The following OPCML variants were observed in gnomAD, a reference collection of about 807,000 sequenced individuals.
OPCML encodes the protein opioid-binding protein/cell adhesion molecule.
A neutral mutation model predicts 37.8 loss-of-function variants in OPCML; 13 were observed. The ratio of observed to expected loss-of-function variants is 0.34; its 90% confidence interval spans 0.22 to 0.55. The LOEUF is 0.55. Ranked by LOEUF, OPCML falls within the 20% of genes least tolerant of loss-of-function variation. OPCML has a pLI of 0.91. For missense variants in OPCML, 341 were observed against 435.6 expected (o/e 0.78, Z 1.93); for synonymous variants, 176 against 168.8 (o/e 1.04, Z -0.33).
At chr11:133,064,565 C>T (rs59367759) in intron 1 of OPCML, 17,479 of 152,352 alleles carry the variant, frequency 0.11, 1,331 homozygotes, top group African/African-American at 0.21. Flanking sequence ...CCTTTCCCCA[C>T]GGTAGACTGC....
intron 1 of OPCML, among the ~76,000 whole-genome samples, chr11:133,375,090 CCTT>C (rs1944769638): frequency 6.6e-6 from 1 of 152,186 alleles, no homozygotes; most frequent in Non-Finnish European, 1.5e-5. Context: ...CGTGCTCTCT[CCTT>C]CTCCATCTTT....
chr11:132,858,917 G>A (rs76115816), intron 2 of OPCML, among the ~76,000 whole-genome samples: 3,407 of 152,084 alleles, frequency 0.022, 52 homozygotes, highest in Middle Eastern at 0.058. Context: ...TTGTTTATAC[G>A]TGTGTGTGTG....
intron 3 of OPCML, among the ~76,000 whole-genome samples, chr11:132,604,492 AATC>A (rs1591613110): frequency 6.6e-6 from 1 of 152,034 alleles, no homozygotes; most frequent in East Asian, 1.9e-4. Context: ...AAGTTTCCAA[AATC>A]ATCAGCTCCC....
intron 1 of OPCML, among the ~76,000 whole-genome samples, chr11:133,154,979 C>T (rs779180609): frequency 1.2e-4 from 18 of 152,084 alleles, no homozygotes; most frequent in Non-Finnish European, 4.4e-5. Context: ...TAGAGTGCAA[C>T]CTGTTTATCC....
At chr11:132,827,807 A>AGTT (rs1940446867) in intron 2 of OPCML, among the ~76,000 whole-genome samples, 1 of 149,026 alleles carries the variant, frequency 6.7e-6, no homozygotes, top group African/African-American at 2.5e-5. Context: ...GCCTGGCTGA[A>AGTT]TTTTTTTTTT....
chr11:132,635,082 T>A (rs1042552776), intron 3 of OPCML, among the ~76,000 whole-genome samples: 1 of 152,202 alleles, frequency 6.6e-6, no homozygotes, highest in African/African-American at 2.4e-5. Flanking sequence ...ACGGTAACAC[T>A]GCCCATGATT....
At position 133,470,580 on chromosome 11, in the gene OPCML, C is replaced by A. The variant is rs542597966; in HGVS notation, c.61+61684G>T. ...CTTTCTTTCCCTGGTCCCTGCCACCCTGACCAGTGGTAGGATTTCTGGAAA... is the reference window on the plus strand; with the variant it reads ...CTTTCTTTCCCTGGTCCCTGCCACCATGACCAGTGGTAGGATTTCTGGAAA... On this transcript the variant is annotated intron_variant, in intron 1 of 7. Coordinates refer to ENST00000524381, the MANE Select transcript of OPCML (RefSeq NM_001012393.5). 2.0e-5 allele frequency among the ~76,000 whole-genome samples: 3 copies of A among 152,284 alleles called. No homozygotes were observed. The East Asian group carries it at 5.8e-4, about 30-fold the overall frequency.
intron 1 of OPCML, among the ~76,000 whole-genome samples, chr11:133,328,453 C>T (rs1263819172): frequency 1.3e-5 from 2 of 152,132 alleles, no homozygotes; most frequent in African/African-American, 4.8e-5. Flanking sequence ...CCACTGTGCC[C>T]AGCCTTAAAG....
At chr11:132,723,425 T>C (rs1201152986) in intron 2 of OPCML, among the ~76,000 whole-genome samples, 1 of 152,212 alleles carries the variant, frequency 6.6e-6, no homozygotes, top group Non-Finnish European at 1.5e-5. Flanking sequence ...ATAGGTCGGT[T>C]AATCACTCCT....
chr11:132,980,050 A>G (rs538943252), intron 1 of OPCML, among the ~76,000 whole-genome samples: 1 of 152,344 alleles, frequency 6.6e-6, no homozygotes, highest in South Asian at 2.1e-4. Flanking sequence ...AGTTGAGTAG[A>G]GAGAGCAGAA....
At chr11:133,084,095 CTG>C (rs1211022767) in intron 1 of OPCML, among the ~76,000 whole-genome samples, 1 of 151,984 alleles carries the variant, frequency 6.6e-6, no homozygotes, top group Non-Finnish European at 1.5e-5. Flanking sequence ...CAAGCGGAGA[CTG>C]TATTGTGCAT....
At chr11:133,367,777 A>C (rs11223452) in intron 1 of OPCML, among the ~76,000 whole-genome samples, 49,919 of 151,952 alleles carry the variant, frequency 0.33, 10,078 homozygotes, top group African/African-American at 0.58. Context: ...CTTCCACCAC[A>C]CTCACAAACA....
intron 1 of OPCML, among the ~76,000 whole-genome samples, chr11:133,433,230 C>A (rs1269548755): frequency 1.6e-5 from 2 of 128,662 alleles, no homozygotes; most frequent in South Asian, 2.2e-4. Context: ...CCAGCCTGGG[C>A]GACAGAGCGA....
At chr11:133,417,491 A>ATTTATTTATTTATTTT (rs576529644) in intron 1 of OPCML, among the ~76,000 whole-genome samples, 1 of 149,866 alleles carries the variant, frequency 6.7e-6, no homozygotes, top group Admixed American at 6.6e-5. Context: ...TTATTTATTT[A>ATTTATTTATTTATTTT]TTATTATTAT....
At chr11:133,217,999 T>A (rs572944137) in intron 1 of OPCML, among the ~76,000 whole-genome samples, 34 of 151,124 alleles carry the variant, frequency 2.2e-4, no homozygotes, top group African/African-American at 8.3e-4. Flanking sequence ...TGAGCTATGA[T>A]CCTGCCACTG....
At chr11:132,676,691 T>G (rs1311418372) in intron 2 of OPCML, among the ~76,000 whole-genome samples, 1 of 150,708 alleles carries the variant, frequency 6.6e-6, no homozygotes, top group Non-Finnish European at 1.5e-5. Flanking sequence ...AAGCTAATAT[T>G]ATTAATCATT....
intron 7 of OPCML, among the ~76,000 whole-genome samples, chr11:132,425,153 C>T (rs539046453): frequency 6.6e-6 from 1 of 152,202 alleles, no homozygotes; most frequent in Non-Finnish European, 1.5e-5. Context: ...ATGCACTAGG[C>T]TCTGCTTTCA....
At chr11:133,450,454 T>C (rs1274033740) in intron 1 of OPCML, among the ~76,000 whole-genome samples, 1 of 151,428 alleles carries the variant, frequency 6.6e-6, no homozygotes, top group Non-Finnish European at 1.5e-5. Flanking sequence ...AAAGCTGTAA[T>C]CAACCTTTCT....
rs1192269195 is a variant in OPCML at position 133,009,146 on chromosome 11, GATTT to G, written c.62-66140_62-66137del. 1.6e-5 allele frequency: 16 copies of G among 985,096 alleles called. No individual in the cohort carries two copies. The African/African-American group carries it at 2.6e-4, about 16-fold the overall frequency. The allele number at this position is 985,096 out of a possible 1,614,324, so 61.0% of individuals were successfully genotyped here. The stretch of plus-strand genomic sequence containing the variant: ...AACAGAGAACACTGATTTAGATTAG[GATTT>G]ATTTACTCTTTGTCCTTTCAAGAAA... On this transcript the variant is annotated intron_variant, in intron 1 of 7. Transcript: ENST00000524381.
Sources: allele counts gnomAD v4.1 joint callset (sites outside exome capture counted in the v4.1 genomes callset), GRCh38; gene constraint gnomAD v4.1.1; transcripts MANE v1.5; gene names NCBI Gene and HGNC (gene_info 2026-07-23, HGNC 2026-07-21).